The following RGS20 variants were observed in gnomAD, a reference collection of about 807,000 sequenced individuals.
RGS20 encodes the protein gz-selective GTPase-activating protein.
In RGS20, 30 loss-of-function variants were observed where a neutral mutation model predicts 33.6. The ratio of observed to expected loss-of-function variants is 0.89; its 90% CI spans 0.67 to 1.21. The LOEUF is 1.21. Among genes scored for constraint, RGS20 ranks in the 50% most tolerant of loss-of-function variants. The probability of loss-of-function intolerance (pLI) is 0.00; values close to 1 mark genes in which losing one functional copy is unlikely to be tolerated. For missense variants in RGS20, 472 were observed against 502.4 expected (o/e 0.94, Z 0.58); for synonymous variants, 208 against 197.9 (o/e 1.05, Z -0.43).
At position 53,902,044 on chromosome 8, in the gene RGS20, G is replaced by T. The variant is rs552732261; in HGVS notation, c.510+22442G>T. Among the ~76,000 whole-genome samples the T allele has an allele frequency of 7.9e-5, 12 of 151,950 alleles. No homozygotes were observed. In the East Asian group the frequency reaches 2.1e-3, roughly 27 times the overall value. ...TTTATTTTTTTTTCTTTGAGTCAGGGTCTCGCTCTGTCACCCAGGCTGAAG... is the reference window on the plus strand; with the variant it reads ...TTTATTTTTTTTTCTTTGAGTCAGGTTCTCGCTCTGTCACCCAGGCTGAAG... On this transcript the variant is annotated intron_variant, in intron 2 of 5. Transcript: ENST00000297313.
intron 3 of RGS20, among the ~76,000 whole-genome samples, chr8:53,943,158 C>T (rs968610940): frequency 1.3e-5 from 2 of 152,032 alleles, no homozygotes; most frequent in East Asian, 3.8e-4. Context: ...GTGGCTCTCT[C>T]TAGGGTAAAG....
Position 53,879,452 on chromosome 8 carries a change from C to G in RGS20, c.360C>G (p.His120Gln). 6.3e-7 allele frequency: 1 copy of G among 1,598,100 alleles called. No homozygotes were observed. The highest frequency in any genetic ancestry group is 8.5e-7 in the Non-Finnish European group (1 of 1,173,678). Residue 120 changes from histidine to glutamine, a missense_variant, in exon 2 of 6, where the codon CAC (histidine) becomes CAG (glutamine). By Grantham distance (24) the His-to-Gln change is conservative. Transcript: ENST00000297313. ...CGGCCGCCCGGCTCTCGAGGGGGCA[C>G]GAGGAGCTGCCGGGCCGCCTCTCGC...
intron 2 of RGS20, among the ~76,000 whole-genome samples, chr8:53,921,108 T>C (rs1280250948): frequency 6.6e-6 from 1 of 152,216 alleles, no homozygotes; most frequent in Admixed American, 6.5e-5. Flanking sequence ...ATTTTATTGG[T>C]ATGGCTATTA....
intron 2 of RGS20, among the ~76,000 whole-genome samples, chr8:53,934,677 C>A (rs1814079493): frequency 6.6e-6 from 1 of 152,148 alleles, no homozygotes; most frequent in African/African-American, 2.4e-5. Context: ...TTTTACACCC[C>A]ACTGTCAATA....
At chr8:53,903,140 C>G (rs1326541564) in intron 2 of RGS20, among the ~76,000 whole-genome samples, 1 of 152,142 alleles carries the variant, frequency 6.6e-6, no homozygotes, top group Non-Finnish European at 1.5e-5. Context: ...TATTAAGCAG[C>G]TGTGTTATCA....
At chr8:53,931,923 C>T (rs1813979557) in intron 2 of RGS20, among the ~76,000 whole-genome samples, 1 of 152,138 alleles carries the variant, frequency 6.6e-6, no homozygotes, top group African/African-American at 2.4e-5. Context: ...AAAAGATTTC[C>T]TCTGATGCCT....
intron 2 of RGS20, among the ~76,000 whole-genome samples, chr8:53,920,916 G>A (rs1414428695): frequency 2.0e-5 from 3 of 152,028 alleles, no homozygotes; most frequent in Non-Finnish European, 4.4e-5. Context: ...ATGCCATCAC[G>A]CCTGGCTAAT....
chr8:53,940,724 T>C (rs1211320445), intron 3 of RGS20, among the ~76,000 whole-genome samples: 8 of 152,218 alleles, frequency 5.3e-5, no homozygotes, highest in Admixed American at 3.9e-4. Flanking sequence ...CGATGGTCTC[T>C]TCATTCCCAC....
chr8:53,875,449 AACC>A lies in RGS20; in HGVS notation c.166-3807_166-3805del, dbSNP rs1485858041. 2.9e-3 allele frequency among the ~76,000 whole-genome samples: 426 copies of A among 146,728 alleles called. 5 individuals are homozygous for A. The highest frequency in any genetic ancestry group is 0.019 in the East Asian group (86 of 4,638). On this transcript the variant is annotated intron_variant, in intron 1 of 5. Transcript: ENST00000297313. Reference sequence around the variant, plus strand: ...TCTGTCAAAAAAAAAAAAAAAAAAAAACCAAAAAAACCAAAAAAACTAAAAAAC... The same window carrying A: ...TCTGTCAAAAAAAAAAAAAAAAAAAAAAAAAAACCAAAAAAACTAAAAAAC...
chr8:53,956,166 C>A (rs962074333), intron 5 of RGS20, among the ~76,000 whole-genome samples: 1 of 152,102 alleles, frequency 6.6e-6, no homozygotes, highest in African/African-American at 2.4e-5. Context: ...GGGGACATCC[C>A]AGGAGACAGG....
Position 53,856,523 on chromosome 8 carries a change from A to C in RGS20, c.165+4459A>C, listed in dbSNP as rs566064798. Among the ~76,000 whole-genome samples, 5 of 152,146 alleles carry C rather than the reference A, an allele frequency of 3.3e-5. No individual in the cohort carries two copies. The South Asian group carries it at 1.0e-3, about 32-fold the overall frequency. Reference sequence around the variant, plus strand: ...CGTGAGCCACCGTGCCCGGCTGATCAGATTTCTTTTTTCTTCCATCAGGAT... The same window carrying C: ...CGTGAGCCACCGTGCCCGGCTGATCCGATTTCTTTTTTCTTCCATCAGGAT... On this transcript the variant is annotated intron_variant, in intron 1 of 5. Coordinates refer to ENST00000297313, the MANE Select transcript of RGS20 (RefSeq NM_170587.4).
chr8:53,920,555 A>G (rs1014779715), intron 2 of RGS20, among the ~76,000 whole-genome samples: 31 of 152,222 alleles, frequency 2.0e-4, no homozygotes, highest in African/African-American at 7.2e-4. Flanking sequence ...CCGAGGCTGG[A>G]GTTCCAATGT....
At chr8:53,895,671 G>A (rs1812836762) in intron 2 of RGS20, among the ~76,000 whole-genome samples, 1 of 150,614 alleles carries the variant, frequency 6.6e-6, no homozygotes, top group South Asian at 2.1e-4. Flanking sequence ...TTGAGACAGG[G>A]TCTTGTTCTG....
chr8:53,915,783 G>A (rs896351325), intron 2 of RGS20, among the ~76,000 whole-genome samples: 4 of 152,108 alleles, frequency 2.6e-5, no homozygotes, highest in African/African-American at 9.7e-5. Context: ...AATGTGTTTA[G>A]AATTGGAGTC....
chr8:53,901,655 T>C (rs1232429644), intron 2 of RGS20, among the ~76,000 whole-genome samples: 1 of 152,184 alleles, frequency 6.6e-6, no homozygotes, highest in East Asian at 1.9e-4. Flanking sequence ...AAAGGACAGA[T>C]ACTATATGAT....
Position 53,955,057 on chromosome 8 carries a change from C to T in RGS20, c.978+747C>T, listed in dbSNP as rs115828100. Among the ~76,000 whole-genome samples the T allele has an allele frequency of 4.3e-3, 650 of 151,396 alleles. 4 individuals carry two copies. The highest frequency in any genetic ancestry group is 0.014 in the African/African-American group (569 of 41,358). Reference sequence around the variant, plus strand: ...ACCAATTTCAGAGGACATTTGGAGCCGCTCTGCAGGTCCACAGTCAAAGGG... The same window carrying T: ...ACCAATTTCAGAGGACATTTGGAGCTGCTCTGCAGGTCCACAGTCAAAGGG... On this transcript the variant is annotated intron_variant, in intron 5 of 5. Transcript: ENST00000297313.
chr8:53,947,615 TTTATATA>T (rs1814548047), intron 4 of RGS20, among the ~76,000 whole-genome samples: 1 of 113,508 alleles, frequency 8.8e-6, no homozygotes, highest in African/African-American at 3.3e-5. Context: ...AGTACATACA[TTTATATA>T]TGCTATATAT....
intron 2 of RGS20, among the ~76,000 whole-genome samples, chr8:53,930,246 C>T (rs1813916308): frequency 6.6e-6 from 1 of 152,104 alleles, no homozygotes. Flanking sequence ...CTTAGCCTTC[C>T]TATATGCTAA....
At chr8:53,852,205 C>T (rs1811582424) in intron 1 of RGS20, 3 of 757,318 alleles carry the variant, frequency 4.0e-6, no homozygotes, top group Admixed American at 6.6e-5. Flanking sequence ...AAACCATCCC[C>T]AAGGGAAATC....
Sources: gnomAD v4.1 joint callset for allele counts (sites outside exome capture counted in the v4.1 genomes callset) on GRCh38, gnomAD v4.1.1 for gene constraint, MANE v1.5 for transcripts, NCBI Gene and HGNC (gene_info 2026-07-23, HGNC 2026-07-21) for gene names.